KLF12: variants seen among roughly 807,000 people sequenced by gnomAD.
The protein encoded by KLF12 is KLF transcription factor 12, also known as Krueppel-like factor 12.
Under a neutral mutation model 37.8 loss-of-function variants are expected in KLF12, and 9 were observed. The observed-to-expected ratio is 0.24, with a 90% confidence interval of 0.14 to 0.42. The LOEUF (loss-of-function observed/expected upper bound fraction) is 0.42. Among genes scored for constraint, KLF12 ranks in the 10% least tolerant of loss-of-function variants. The pLI is 1.00. For missense variants in KLF12, 411 were observed against 516.0 expected (o/e 0.80, Z 1.97); for synonymous variants, 208 against 202.1 (o/e 1.03, Z -0.25).
chr13:73,998,793 T>C (rs1892190541), intron 1 of KLF12, among the ~76,000 whole-genome samples: 1 of 152,238 alleles, frequency 6.6e-6, no homozygotes, highest in Non-Finnish European at 1.5e-5. Context: ...CAGTGAGTTA[T>C]CTTGGGAACT....
rs139830073 is a variant in KLF12, at chr13:73,752,726, A to ATTTT, written c.869+12211_869+12212insAAAA. 8.3e-5 allele frequency among the ~76,000 whole-genome samples: 9 copies of ATTTT among 108,132 alleles called. 4 individuals carry two copies. Among genetic ancestry groups the ATTTT allele is most frequent in the Non-Finnish European group, 1.1e-4 (6 of 55,770 alleles). The allele number at this position is 108,132 out of a possible 152,430, so 70.9% of individuals were successfully genotyped here. A position where few individuals can be genotyped will look rare whatever the true frequency, so the allele number is the denominator to read the frequency against. On this transcript the variant is annotated intron_variant, in intron 6 of 7. Coordinates refer to ENST00000377669, the MANE Select transcript of KLF12 (RefSeq NM_007249.5). ...CTCATTCCCCTGCTCCCTTCCACAT[A>ATTTT]TATATTTTTTTTTTTTTGACACAGA...
intron 2 of KLF12, among the ~76,000 whole-genome samples, chr13:73,977,287 C>G (rs753520695): frequency 4.6e-5 from 7 of 152,118 alleles, no homozygotes; most frequent in African/African-American, 1.7e-4. Context: ...TCAAAGTGAT[C>G]TGCTCACCTC....
At chr13:74,106,188 A>G (rs1310269500) in intron 1 of KLF12, among the ~76,000 whole-genome samples, 4 of 152,224 alleles carry the variant, frequency 2.6e-5, no homozygotes, top group Non-Finnish European at 5.9e-5. Flanking sequence ...TAAACAGGAA[A>G]TGCTTGGAGA....
intron 1 of KLF12, among the ~76,000 whole-genome samples, chr13:74,060,406 T>A (rs1873500938): frequency 6.6e-6 from 1 of 152,056 alleles, no homozygotes; most frequent in African/African-American, 2.4e-5. Flanking sequence ...TCAATTAAAA[T>A]TTCTTTCATT....
chr13:74,120,907 T>C (rs1196751620), intron 1 of KLF12, among the ~76,000 whole-genome samples: 1 of 152,058 alleles, frequency 6.6e-6, no homozygotes, highest in Non-Finnish European at 1.5e-5. Context: ...AAGAAGATTA[T>C]ATAAAATACT....
In KLF12 at chr13:73,708,802, A is replaced by G. The variant is rs1296621172; in HGVS notation, c.1027+6566T>C. 2.0e-5 allele frequency among the ~76,000 whole-genome samples: 3 copies of G among 152,242 alleles called. 1 individual carries two copies. Among genetic ancestry groups the G allele is most frequent in the South Asian group, 4.1e-4 (2 of 4,838 alleles). On this transcript the variant is annotated intron_variant, in intron 7 of 7. Coordinates refer to ENST00000377669, the MANE Select transcript of KLF12 (RefSeq NM_007249.5). ...AGTGCATAATTGTTTTGTATAGCACATATTTAAATGACCATATTAATTTAA... is the reference window on the plus strand; with the variant it reads ...AGTGCATAATTGTTTTGTATAGCACGTATTTAAATGACCATATTAATTTAA...
chr13:74,036,108 T>C (rs1382922294), intron 1 of KLF12, among the ~76,000 whole-genome samples: 3 of 152,154 alleles, frequency 2.0e-5, no homozygotes, highest in East Asian at 3.9e-4. Flanking sequence ...CTAGCATTCA[T>C]CAGCTCCTTG....
intron 7 of KLF12, among the ~76,000 whole-genome samples, chr13:73,714,540 T>C (rs149349195): frequency 1.8e-3 from 281 of 152,266 alleles, no homozygotes; most frequent in Non-Finnish European, 2.8e-3. Context: ...CCCTGCTCTA[T>C]CGGCTTCTTT....
intron 3 of KLF12, among the ~76,000 whole-genome samples, chr13:73,919,374 G>A (rs1889006801): frequency 6.6e-6 from 1 of 152,058 alleles, no homozygotes; most frequent in Admixed American, 6.6e-5. Context: ...CAAAACAACT[G>A]CCTTTTATGA....
chr13:73,772,197 C>T (rs1356277152), intron 5 of KLF12, among the ~76,000 whole-genome samples: 4 of 152,338 alleles, frequency 2.6e-5, no homozygotes, highest in South Asian at 2.1e-4. Flanking sequence ...CTATTACTTA[C>T]TCATTAATTC....
At position 74,074,972 on chromosome 13, in the gene KLF12, T is replaced by C. The variant is rs556362713; in HGVS notation, c.-32+58767A>G. The stretch of plus-strand genomic sequence containing the variant: ...AGGGCTCAGCTGTGATTCTATTCAA[T>C]TCAACAAATATTTATTAGGCATCTT... On this transcript the variant is annotated intron_variant, in intron 1 of 7. Coordinates refer to ENST00000377669, the MANE Select transcript of KLF12 (RefSeq NM_007249.5). Among the ~76,000 whole-genome samples, 7 of 152,334 alleles carry C rather than the reference T, an allele frequency of 4.6e-5. No individual in the cohort carries two copies. In the South Asian group the frequency reaches 1.4e-3, roughly 32 times the overall value.
intron 2 of KLF12, among the ~76,000 whole-genome samples, chr13:73,945,911 A>C (rs972856095): frequency 6.6e-6 from 1 of 152,196 alleles, no homozygotes; most frequent in Non-Finnish European, 1.5e-5. Flanking sequence ...GAGTTGTTCT[A>C]AACTTGAAAC....
chr13:73,713,439 A>G (rs1348840366), intron 7 of KLF12, among the ~76,000 whole-genome samples: 3 of 152,246 alleles, frequency 2.0e-5, no homozygotes, highest in Non-Finnish European at 4.4e-5. Flanking sequence ...CTGGTTGTTA[A>G]TAACAAATTT....
At chr13:74,051,381 G>A (rs1872919626) in intron 1 of KLF12, among the ~76,000 whole-genome samples, 1 of 95,932 alleles carries the variant, frequency 1.0e-5, no homozygotes, top group Non-Finnish European at 2.4e-5. Flanking sequence ...CACACACAGT[G>A]GAATTCCGCT....
chr13:73,837,121 TCTC>T (rs1431023282), intron 4 of KLF12, among the ~76,000 whole-genome samples: 3 of 152,176 alleles, frequency 2.0e-5, no homozygotes, highest in African/African-American at 7.2e-5. Flanking sequence ...ATCCATACCT[TCTC>T]CTCTTCCTCC....
intron 6 of KLF12, among the ~76,000 whole-genome samples, chr13:73,746,270 T>G (rs1299650349): frequency 6.6e-6 from 1 of 152,216 alleles, no homozygotes; most frequent in Non-Finnish European, 1.5e-5. Flanking sequence ...ATATGAATTT[T>G]ATTATCTCAA....
chr13:74,012,864 T>C (rs896421853), intron 1 of KLF12, among the ~76,000 whole-genome samples: 2 of 152,214 alleles, frequency 1.3e-5, no homozygotes, highest in African/African-American at 4.8e-5. Flanking sequence ...GAGTTATACA[T>C]AAAGACAGTG....
At chr13:73,773,567 T>C (rs1422194385) in intron 5 of KLF12, among the ~76,000 whole-genome samples, 8 of 127,334 alleles carry the variant, frequency 6.3e-5, no homozygotes, top group Non-Finnish European at 1.5e-4. Context: ...TATGACACTA[T>C]GTCCATTATA....
Position 74,063,775 on chromosome 13 carries a change from T to C in KLF12, c.-31-68722A>G, listed in dbSNP as rs73529197. On this transcript the variant is annotated intron_variant, in intron 1 of 7. Coordinates refer to ENST00000377669, the MANE Select transcript of KLF12 (RefSeq NM_007249.5). ...TGTATTAGACTACCAAATTTTATTT[T>C]AGTATTTATAATTTTCCCTTATAGT... is the stretch of plus-strand genomic sequence containing the variant. Among the ~76,000 whole-genome samples, 353 of 152,350 alleles carry C rather than the reference T, an allele frequency of 2.3e-3. 1 individual carries two copies. The highest frequency in any genetic ancestry group is 8.1e-3 in the African/African-American group (335 of 41,582).
Sources: allele counts gnomAD v4.1 joint callset (sites outside exome capture counted in the v4.1 genomes callset), GRCh38; gene constraint gnomAD v4.1.1; transcripts MANE v1.5; gene names NCBI Gene and HGNC (gene_info 2026-07-23, HGNC 2026-07-21).